The following WDR89 variants were observed in gnomAD, a reference collection of about 807,000 sequenced individuals.
WDR89 encodes the protein WD repeat domain 89.
Under a neutral mutation model 29.1 loss-of-function variants are expected in WDR89, and 17 were observed. The observed-to-expected ratio is 0.58, with a 90% CI of 0.40 to 0.88. The LOEUF (loss-of-function observed/expected upper bound fraction) is 0.88, where lower values mean the gene tolerates loss of function less well. Among genes scored for constraint, WDR89 ranks in the 40% least tolerant of loss-of-function variants. The pLI is 0.00. For synonymous variants in WDR89, 138 were observed against 157.8 expected (o/e 0.87, Z 0.94); for missense variants, 396 against 456.3 (o/e 0.87, Z 1.20).
intron 2 of WDR89, among the ~76,000 whole-genome samples, chr14:63,601,037 A>G (rs1895042024): frequency 6.6e-6 from 1 of 152,184 alleles, no homozygotes; most frequent in Admixed American, 6.6e-5. Flanking sequence ...TTTTGAAGAC[A>G]GAGGCTGAGA....
rs113293356 is a variant in WDR89 at position 63,601,696 on chromosome 14, G to C, written c.-31-1723C>G. On this transcript the variant is annotated intron_variant, in intron 2 of 2. Transcript: ENST00000620954. ...AAGGGTGGAGAGATTCAACCAGTTC[G>C]TGTGAAAGTTGGAGATAAAGTTCTT... 12 of 1,601,786 alleles carry C rather than the reference G, an allele frequency of 7.5e-6. No homozygotes were observed. In the South Asian group the frequency reaches 1.3e-4, roughly 18 times the overall value.
intron 1 of WDR89, among the ~76,000 whole-genome samples, chr14:63,630,252 G>C (rs932271353): frequency 2.0e-5 from 3 of 151,666 alleles, no homozygotes; most frequent in African/African-American, 7.3e-5. Context: ...CCAACCCAGA[G>C]TCACATATTA....
intron 1 of WDR89, among the ~76,000 whole-genome samples, chr14:63,628,437 A>C (rs77620693): frequency 6.6e-6 from 1 of 152,334 alleles, no homozygotes; most frequent in Non-Finnish European, 1.5e-5. Context: ...ATATATAACA[A>C]GAAAATTGGC....
intron 2 of WDR89, among the ~76,000 whole-genome samples, chr14:63,619,818 A>G (rs948967818): frequency 6.6e-6 from 1 of 152,090 alleles, no homozygotes; most frequent in African/African-American, 2.4e-5. Context: ...CAGCCTGGCC[A>G]ACATAGTGAA....
At chr14:63,637,915 A>C (rs1268963428) in intron 1 of WDR89, among the ~76,000 whole-genome samples, 3 of 152,012 alleles carry the variant, frequency 2.0e-5, no homozygotes, top group Non-Finnish European at 4.4e-5. Context: ...TACTCATATA[A>C]CCAAATACCA....
chr14:63,627,942 A>G (rs887870774), intron 1 of WDR89, among the ~76,000 whole-genome samples: 1 of 152,124 alleles, frequency 6.6e-6, no homozygotes, highest in African/African-American at 2.4e-5. Context: ...TTTTGATTAA[A>G]TTTCTCTAAT....
intron 1 of WDR89, among the ~76,000 whole-genome samples, chr14:63,630,217 G>C (rs1468034907): frequency 2.6e-5 from 4 of 151,414 alleles, no homozygotes; most frequent in African/African-American, 9.7e-5. Context: ...CAAAGTGCTG[G>C]GATTACAGGC....
chr14:63,601,168 G>A (rs1895046854), intron 2 of WDR89, among the ~76,000 whole-genome samples: 1 of 152,030 alleles, frequency 6.6e-6, no homozygotes, highest in African/African-American at 2.4e-5. Flanking sequence ...CAGACCTCCA[G>A]AACCGTTAAG....
chr14:63,623,351 A>C (rs1188168160), intron 2 of WDR89, among the ~76,000 whole-genome samples: 3 of 152,044 alleles, frequency 2.0e-5, no homozygotes, highest in Non-Finnish European at 2.9e-5. Flanking sequence ...AAAAGAAATA[A>C]AGAACTGATG....
chr14:63,621,669 A>G (rs1029144328), intron 2 of WDR89: 3 of 152,228 alleles, frequency 2.0e-5, no homozygotes, highest in Middle Eastern at 6.3e-3. Context: ...TGATAATTTT[A>G]AACACCAAAA....
chr14:63,609,852 T>C (rs761579915), intron 2 of WDR89, among the ~76,000 whole-genome samples: 25 of 151,998 alleles, frequency 1.6e-4, no homozygotes, highest in Middle Eastern at 3.2e-3. Context: ...AACTTCAATA[T>C]GTTTCAAAAA....
chr14:63,598,374 AAT>A lies in WDR89; in HGVS notation c.*403_*404del, dbSNP rs1455285106. ...ACATATAGATGCTCCTCAGATGAAG[AAT>A]ATAGTCTAATCTGGTTTTATACACA... On this transcript the variant is annotated 3_prime_UTR_variant, in exon 3 of 3. Coordinates refer to ENST00000620954, the MANE Select transcript of WDR89 (RefSeq NM_080666.4). 1 of 155,700 alleles carries A rather than the reference AAT, an allele frequency of 6.4e-6. No individual in the cohort carries two copies. Among genetic ancestry groups the A allele is most frequent in the East Asian group, 1.9e-4 (1 of 5,272 alleles). The allele number at this position is 155,700 out of a possible 1,614,324, so 9.6% of individuals were successfully genotyped here.
chr14:63,620,142 G>A (rs990989825), intron 2 of WDR89, among the ~76,000 whole-genome samples: 1 of 151,134 alleles, frequency 6.6e-6, no homozygotes, highest in Non-Finnish European at 1.5e-5. Context: ...GATGAATAAA[G>A]AAAATGTGGT....
chr14:63,601,246 G>A (rs1249052470), intron 2 of WDR89, among the ~76,000 whole-genome samples: 1 of 151,756 alleles, frequency 6.6e-6, no homozygotes, highest in Non-Finnish European at 1.5e-5. Flanking sequence ...AATAGGAAAC[G>A]AATACAACAG....
At chr14:63,641,174 T>C (rs1884105124) in intron 1 of WDR89, 1 of 151,166 alleles carries the variant, frequency 6.6e-6, no homozygotes, top group Non-Finnish European at 1.5e-5. Context: ...AATTATACCA[T>C]CTTTTAATTT....
chr14:63,598,895 GT>G lies in WDR89; in HGVS notation c.1047del (p.Lys349AsnfsTer5), dbSNP rs768651914. ...GGEDAQLLLWKPGAIEKTFTK... is the reference protein window; with the variant it reads ...GGEDAQLLLWXPGAIEKTFTK... ...GTAAAGGTCTTCTCTATAGCTCCAG[GT>G]TTCCAAAGTAACAACTGTGCATCTT... On this transcript the variant is annotated frameshift_variant, in exon 3 of 3. Coordinates refer to ENST00000620954, the MANE Select transcript of WDR89 (RefSeq NM_080666.4). LOFTEE classifies it high-confidence loss of function. 67 of 1,614,126 alleles carry G rather than the reference GT, an allele frequency of 4.2e-5. No individual in the cohort carries two copies. The highest frequency in any genetic ancestry group is 3.8e-5 in the Non-Finnish European group (45 of 1,180,012).
intron 2 of WDR89, among the ~76,000 whole-genome samples, chr14:63,615,552 T>G (rs1595026023): frequency 6.6e-6 from 1 of 152,238 alleles, no homozygotes; most frequent in African/African-American, 2.4e-5. Flanking sequence ...TACTTAAATC[T>G]TGGATACATT....
At chr14:63,635,646 A>G (rs1056989102) in intron 1 of WDR89, among the ~76,000 whole-genome samples, 1 of 152,338 alleles carries the variant, frequency 6.6e-6, no homozygotes. Context: ...GACAACAGAA[A>G]GAAATAAAGG....
At chr14:63,614,485 C>T (rs1198131209) in intron 2 of WDR89, among the ~76,000 whole-genome samples, 2 of 151,758 alleles carry the variant, frequency 1.3e-5, no homozygotes, top group African/African-American at 4.8e-5. Context: ...CTATATTACA[C>T]ATATCTGATG....
Sources: gnomAD v4.1 joint callset for allele counts (sites outside exome capture counted in the v4.1 genomes callset) on GRCh38, gnomAD v4.1.1 for gene constraint, MANE v1.5 for transcripts, NCBI Gene and HGNC (gene_info 2026-07-23, HGNC 2026-07-21) for gene names.